Variants in GRID2 observed in about 807,000 individuals in gnomAD.
The protein encoded by GRID2 is glutamate ionotropic receptor delta type subunit 2, also known as glutamate receptor ionotropic, delta-2.
Under a neutral mutation model 114.8 loss-of-function variants are expected in GRID2, and 33 were observed. The observed-to-expected ratio is 0.29, with a 90% CI of 0.22 to 0.38. The LOEUF is 0.38. Among genes scored for constraint, GRID2 ranks in the 10% least tolerant of loss-of-function variants. GRID2 has a pLI of 1.00. For synonymous variants in GRID2, 505 were observed against 449.9 expected (o/e 1.12, Z -1.55); for missense variants, 1,184 against 1,257.7 (o/e 0.94, Z 0.89).
chr4:92,644,970 C>T (rs921648529), intron 2 of GRID2, among the ~76,000 whole-genome samples: 1 of 151,336 alleles, frequency 6.6e-6, no homozygotes, highest in African/African-American at 2.4e-5. Flanking sequence ...GGAAACTTCA[C>T]TTTTATTAAG....
chr4:93,775,016 GAATT>G (rs957017688), downstream of GRID2, among the ~76,000 whole-genome samples: 2 of 151,818 alleles, frequency 1.3e-5, no homozygotes, highest in African/African-American at 4.8e-5. Flanking sequence ...ATTAATTTGG[GAATT>G]AATTTAGGTT....
chr4:93,563,359 T>C (rs1162867192), intron 13 of GRID2, among the ~76,000 whole-genome samples: 1 of 151,976 alleles, frequency 6.6e-6, no homozygotes, highest in African/African-American at 2.4e-5. Flanking sequence ...CTTAAACATG[T>C]TTCTTTCTGT....
intron 14 of GRID2, among the ~76,000 whole-genome samples, chr4:93,691,694 C>T (rs1435892156): frequency 6.6e-6 from 1 of 151,922 alleles, no homozygotes; most frequent in African/African-American, 2.4e-5. Context: ...AAGATGTGTG[C>T]TATTTCACAT....
intron 2 of GRID2, among the ~76,000 whole-genome samples, chr4:92,708,615 T>C (rs1307533475): frequency 1.3e-5 from 2 of 152,206 alleles, no homozygotes; most frequent in Non-Finnish European, 2.9e-5. Flanking sequence ...TATCACCATA[T>C]TGGTATTGGT....
At chr4:93,598,034 G>T (rs1222085817) in intron 13 of GRID2, among the ~76,000 whole-genome samples, 1 of 152,170 alleles carries the variant, frequency 6.6e-6, no homozygotes, top group Non-Finnish European at 1.5e-5. Context: ...AATATAGACA[G>T]TTTGCTGTGA....
chr4:93,396,743 T>C (rs1765370069), intron 9 of GRID2, among the ~76,000 whole-genome samples: 2 of 151,950 alleles, frequency 1.3e-5, no homozygotes, highest in South Asian at 2.1e-4. Context: ...CATTATAGTT[T>C]TCTTTCCTAA....
At chr4:93,376,715 A>G (rs952763587) in intron 8 of GRID2, among the ~76,000 whole-genome samples, 1 of 152,174 alleles carries the variant, frequency 6.6e-6, no homozygotes, top group Non-Finnish European at 1.5e-5. Flanking sequence ...AAACTAACAC[A>G]GAAACAGAAA....
In GRID2 at chr4:93,646,091, G is replaced by A. The variant is rs373733552; in HGVS notation, c.2360+19656G>A. ...CTTTGATTTATCTAGAGATAAAACAGTGAACAAGACTGACAAGATTATTAC... is the reference window on the plus strand; with the variant it reads ...CTTTGATTTATCTAGAGATAAAACAATGAACAAGACTGACAAGATTATTAC... On this transcript the variant is annotated intron_variant, in intron 14 of 15. Transcript: ENST00000282020. Among the ~76,000 whole-genome samples, 8 of 152,264 alleles carry A rather than the reference G, an allele frequency of 5.3e-5. No homozygotes were observed. The East Asian group carries it at 1.3e-3, about 26-fold the overall frequency.
intron 2 of GRID2, among the ~76,000 whole-genome samples, chr4:92,745,331 C>G (rs762798416): frequency 1.3e-5 from 2 of 152,044 alleles, no homozygotes; most frequent in Non-Finnish European, 2.9e-5. Context: ...TAGAGTATTT[C>G]CCTTTGTTGA....
chr4:93,522,078 G>C (rs1052002737), intron 13 of GRID2, among the ~76,000 whole-genome samples: 11 of 152,154 alleles, frequency 7.2e-5, no homozygotes, highest in African/African-American at 2.7e-4. Context: ...AACTTTCTTT[G>C]ATTAGGAGAT....
chr4:93,717,912 A>G (rs1412432183), intron 14 of GRID2, among the ~76,000 whole-genome samples: 4 of 152,138 alleles, frequency 2.6e-5, no homozygotes, highest in Non-Finnish European at 5.9e-5. Flanking sequence ...TAAGAAACAT[A>G]TTTATGCAAG....
intron 2 of GRID2, among the ~76,000 whole-genome samples, chr4:93,079,051 T>C (rs979490107): frequency 1.3e-5 from 2 of 151,174 alleles, no homozygotes; most frequent in Non-Finnish European, 3.0e-5. Flanking sequence ...CAATTTAGTT[T>C]TGAAAAGGGG....
intron 1 of GRID2, among the ~76,000 whole-genome samples, chr4:92,341,857 G>C (rs948660942): frequency 6.6e-6 from 1 of 151,116 alleles, no homozygotes; most frequent in Non-Finnish European, 1.5e-5. Context: ...AGAGCTTGCA[G>C]TGAGCTGAGA....
In GRID2 at chr4:93,156,658, A is replaced by G. The variant is rs190897004; in HGVS notation, c.735+45705A>G. Among the ~76,000 whole-genome samples, 24 of 151,906 alleles carry G rather than the reference A, an allele frequency of 1.6e-4. No homozygotes were observed. The East Asian group carries it at 4.5e-3, about 28-fold the overall frequency. The stretch of plus-strand genomic sequence containing the variant: ...AAAAACAGAGATGGATACTTTGGCA[A>G]GGGTGGAAATGGGTGGGTAGTGATT... On this transcript the variant is annotated intron_variant, in intron 4 of 15. Coordinates refer to ENST00000282020, the MANE Select transcript of GRID2 (RefSeq NM_001510.4).
chr4:92,847,811 G>A (rs542969605), intron 2 of GRID2, among the ~76,000 whole-genome samples: 1 of 151,918 alleles, frequency 6.6e-6, no homozygotes, highest in African/African-American at 2.4e-5. Flanking sequence ...AACAAATCGT[G>A]TTCCATTTAC....
intron 8 of GRID2, among the ~76,000 whole-genome samples, chr4:93,267,380 C>G (rs112156566): frequency 6.6e-6 from 1 of 152,136 alleles, no homozygotes; most frequent in South Asian, 2.1e-4. Context: ...GGACAGTCCT[C>G]GGGCCTCTGG....
chr4:93,593,300 T>G (rs1738614419), intron 13 of GRID2, among the ~76,000 whole-genome samples: 1 of 144,240 alleles, frequency 6.9e-6, no homozygotes, highest in Non-Finnish European at 1.5e-5. Flanking sequence ...ATTTTATTTC[T>G]CCTTCACTTA....
At chr4:92,438,352 A>T (rs886356862) in intron 1 of GRID2, among the ~76,000 whole-genome samples, 1 of 152,184 alleles carries the variant, frequency 6.6e-6, no homozygotes, top group Non-Finnish European at 1.5e-5. Flanking sequence ...ATCTCGGAGC[A>T]CATATACTCA....
At chr4:93,800,190 T>C (rs1361318705) in intron 1 of GRID2, among the ~76,000 whole-genome samples, 4 of 152,120 alleles carry the variant, frequency 2.6e-5, no homozygotes, top group African/African-American at 9.7e-5. Context: ...CTAGCACAAG[T>C]AAAATATATG....
Sources: gnomAD v4.1 joint callset for allele counts (sites outside exome capture counted in the v4.1 genomes callset) on GRCh38, gnomAD v4.1.1 for gene constraint, MANE v1.5 for transcripts, NCBI Gene and HGNC (gene_info 2026-07-23, HGNC 2026-07-21) for gene names.